The following SDK1 variants were observed in gnomAD, a reference collection of about 807,000 sequenced individuals.
SDK1 encodes the protein sidekick cell adhesion molecule 1, also known as protein sidekick-1.
In SDK1, 157 loss-of-function variants were observed where a neutral mutation model predicts 245.5. The observed-to-expected ratio is 0.64, with a 90% CI of 0.56 to 0.73. The LOEUF (loss-of-function observed/expected upper bound fraction) is 0.73, where lower values mean the gene tolerates loss of function less well. Ranked by LOEUF, SDK1 falls within the 30% of genes least tolerant of loss-of-function variation. SDK1 has a pLI of 0.00. For missense variants in SDK1, 3,583 were observed against 3,002.3 expected, an observed-to-expected ratio of 1.19 and a Z score of -4.52; for synonymous variants, 1,647 against 1,278.5, an observed-to-expected ratio of 1.29 and a Z score of -6.15.
chr7:3,465,580 G>A (rs1241682417), intron 1 of SDK1, among the ~76,000 whole-genome samples: 1 of 152,090 alleles, frequency 6.6e-6, no homozygotes, highest in Non-Finnish European at 1.5e-5. Context: ...ATACTGTTGG[G>A]TGATGGGTGG....
At chr7:3,547,843 T>G (rs1369409610) in intron 1 of SDK1, among the ~76,000 whole-genome samples, 1 of 152,238 alleles carries the variant, frequency 6.6e-6, no homozygotes, top group African/African-American at 2.4e-5. Flanking sequence ...GATGACTTTT[T>G]GCCACCCTGC....
chr7:3,318,850 C>T (rs377617089), intron 1 of SDK1, among the ~76,000 whole-genome samples: 8 of 152,132 alleles, frequency 5.3e-5, no homozygotes, highest in African/African-American at 1.9e-4. Context: ...TATTGACAAT[C>T]AAATTTATTC....
At chr7:3,801,316 T>C (rs999292616) in intron 4 of SDK1, among the ~76,000 whole-genome samples, 3 of 152,218 alleles carry the variant, frequency 2.0e-5, no homozygotes, top group Non-Finnish European at 4.4e-5. Context: ...CTTTGGAGCA[T>C]AGTGCATATA....
At chr7:3,509,607 C>T (rs951506046) in intron 1 of SDK1, among the ~76,000 whole-genome samples, 1 of 152,144 alleles carries the variant, frequency 6.6e-6, no homozygotes. Flanking sequence ...AGTGTCCCTC[C>T]AGTAGCAGAG....
chr7:3,788,556 A>T (rs920378803), intron 4 of SDK1, among the ~76,000 whole-genome samples: 1 of 152,124 alleles, frequency 6.6e-6, no homozygotes, highest in African/African-American at 2.4e-5. Context: ...TGATTCCTAT[A>T]CCTTTTGGTC....
chr7:3,692,209 T>C (rs1784456786), intron 4 of SDK1, among the ~76,000 whole-genome samples: 1 of 152,174 alleles, frequency 6.6e-6, no homozygotes, highest in Non-Finnish European at 1.5e-5. Flanking sequence ...CTTAAAAAAT[T>C]CTTTCTGATT....
intron 5 of SDK1, among the ~76,000 whole-genome samples, chr7:3,888,934 T>A (rs1046671272): frequency 6.6e-6 from 1 of 152,242 alleles, no homozygotes; most frequent in Non-Finnish European, 1.5e-5. Flanking sequence ...AAAAAGGAAC[T>A]ATGGCTCTTT....
At chr7:3,787,062 T>C (rs1452811493) in intron 4 of SDK1, among the ~76,000 whole-genome samples, 3 of 152,028 alleles carry the variant, frequency 2.0e-5, no homozygotes, top group African/African-American at 7.2e-5. Flanking sequence ...TGTTTTTGTT[T>C]TCAGGTTGGA....
chr7:3,360,817 G>A (rs1455126937), intron 1 of SDK1, among the ~76,000 whole-genome samples: 1 of 152,120 alleles, frequency 6.6e-6, no homozygotes, highest in Non-Finnish European at 1.5e-5. Flanking sequence ...TTATGTAATT[G>A]TGAGTGCTGG....
intron 1 of SDK1, among the ~76,000 whole-genome samples, chr7:3,497,385 T>C (rs1782057596): frequency 6.6e-6 from 1 of 152,228 alleles, no homozygotes; most frequent in Non-Finnish European, 1.5e-5. Context: ...TTTTATTTTC[T>C]CCTAGATGAT....
intron 4 of SDK1, among the ~76,000 whole-genome samples, chr7:3,765,153 A>G (rs1780218540): frequency 1.3e-5 from 2 of 152,192 alleles, no homozygotes; most frequent in African/African-American, 4.8e-5. Flanking sequence ...TACTAGAACA[A>G]TATAAGTGAA....
chr7:3,566,939 C>T (rs962546721), intron 1 of SDK1, among the ~76,000 whole-genome samples: 4 of 152,088 alleles, frequency 2.6e-5, no homozygotes, highest in Admixed American at 1.3e-4. Flanking sequence ...GATGTGTGAA[C>T]ATAGGAATTG....
intron 4 of SDK1, among the ~76,000 whole-genome samples, chr7:3,696,785 G>C (rs1583317266): frequency 6.6e-6 from 1 of 151,830 alleles, no homozygotes; most frequent in Non-Finnish European, 1.5e-5. Flanking sequence ...ATAGTGTATT[G>C]AATTTAGGGA....
At chr7:4,251,840 G>A (rs1434345779) in intron 44 of SDK1, among the ~76,000 whole-genome samples, 1 of 152,116 alleles carries the variant, frequency 6.6e-6, no homozygotes, top group African/African-American at 2.4e-5. Context: ...TCTACTTTTT[G>A]GTTACTGTGA....
At position 3,835,432 on chromosome 7, in the gene SDK1, G is replaced by T. The variant is rs549505270; in HGVS notation, c.847+13849G>T. 2.0e-5 allele frequency among the ~76,000 whole-genome samples: 3 copies of T among 152,288 alleles called. 1 individual carries two copies. The highest frequency in any genetic ancestry group is 6.5e-5 in the Admixed American group (1 of 15,302). ...CCTGTTGAACCTAATATCAGGGACA[G>T]TGTGCCGTGAGATGGGCTTTACTAC... On this transcript the variant is annotated intron_variant, in intron 5 of 44. Coordinates refer to ENST00000404826, the MANE Select transcript of SDK1 (RefSeq NM_152744.4).
rs554957234 is a variant in SDK1, at chr7:3,526,982, C to T, written c.299-92098C>T. On this transcript the variant is annotated intron_variant, in intron 1 of 44. Transcript: ENST00000404826. ...TGTCAGTTAACTTGCTATAAATCTA[C>T]CTTCAGCTTCAGTGTGATATAATTA... Among the ~76,000 whole-genome samples the T allele has an allele frequency of 2.0e-5, 3 of 152,244 alleles. No homozygotes were observed. The South Asian group carries it at 6.2e-4, about 32-fold the overall frequency.
intron 4 of SDK1, among the ~76,000 whole-genome samples, chr7:3,728,453 C>T (rs924757909): frequency 2.0e-5 from 3 of 152,222 alleles, no homozygotes; most frequent in African/African-American, 4.8e-5. Flanking sequence ...GTGACTCCCT[C>T]TGTGATTCCA....
chr7:4,064,280 C>G (rs1438061402), intron 19 of SDK1, among the ~76,000 whole-genome samples: 1 of 152,070 alleles, frequency 6.6e-6, no homozygotes, highest in Non-Finnish European at 1.5e-5. Flanking sequence ...AAACCCTTGT[C>G]AAAAGCAGAC....
At chr7:3,910,977 T>C (rs1002285720) in intron 5 of SDK1, among the ~76,000 whole-genome samples, 3 of 152,188 alleles carry the variant, frequency 2.0e-5, no homozygotes, top group Admixed American at 6.5e-5. Context: ...TGTCTCCCGC[T>C]GCCTGCTCTT....
Sources: gnomAD v4.1 joint callset for allele counts (sites outside exome capture counted in the v4.1 genomes callset) on GRCh38, gnomAD v4.1.1 for gene constraint, MANE v1.5 for transcripts, NCBI Gene and HGNC (gene_info 2026-07-23, HGNC 2026-07-21) for gene names.